The following GRIK4 variants were observed in gnomAD, a reference collection of about 807,000 sequenced individuals.
GRIK4 encodes the protein glutamate receptor ionotropic, kainate 4.
GRIK4 carries 40 observed loss-of-function variants against 104.9 expected under a neutral mutation model. The ratio of observed to expected loss-of-function variants is 0.38; its 90% CI spans 0.30 to 0.50. The LOEUF (loss-of-function observed/expected upper bound fraction) is 0.50, where lower values mean the gene tolerates loss of function less well. Among genes scored for constraint, GRIK4 ranks in the 20% least tolerant of loss-of-function variants. The pLI, the probability that GRIK4 is intolerant of heterozygous loss-of-function variation, is 0.93. For synonymous variants in GRIK4, 485 were observed against 524.9 expected, an observed-to-expected ratio of 0.92 and a Z score of 1.04; for missense variants, 1,047 against 1,308.1, an observed-to-expected ratio of 0.80 and a Z score of 3.08.
intron 3 of GRIK4, among the ~76,000 whole-genome samples, chr11:120,744,998 G>A (rs1285755898): frequency 6.6e-6 from 1 of 152,150 alleles, no homozygotes; most frequent in Non-Finnish European, 1.5e-5. Context: ...TTAAATTTGT[G>A]TTTCTTTTTT....
chr11:120,561,999 C>T (rs1225914803), intron 1 of GRIK4, among the ~76,000 whole-genome samples: 1 of 152,214 alleles, frequency 6.6e-6, no homozygotes, highest in Non-Finnish European at 1.5e-5. Context: ...TGTTCTTCCT[C>T]TTATCATTCA....
At position 120,792,855 on chromosome 11, in the gene GRIK4, C is replaced by T. The variant is rs527410649; in HGVS notation, c.83-9838C>T. Reference sequence around the variant, plus strand: ...TATAAGTAAAGCACACCCATGGAGGCGGCTATGAAATAGATCAATCAGGAA... The same window carrying T: ...TATAAGTAAAGCACACCCATGGAGGTGGCTATGAAATAGATCAATCAGGAA... On this transcript the variant is annotated intron_variant, in intron 3 of 20. Transcript: ENST00000527524. 5.9e-5 allele frequency among the ~76,000 whole-genome samples: 9 copies of T among 152,152 alleles called. No individual in the cohort carries two copies. In the East Asian group the frequency reaches 7.7e-4, roughly 13 times the overall value.
At chr11:120,577,106 T>A (rs1183902645) in intron 1 of GRIK4, among the ~76,000 whole-genome samples, 3 of 152,234 alleles carry the variant, frequency 2.0e-5, no homozygotes, top group Admixed American at 2.0e-4. Context: ...AAACTGTTTA[T>A]CCAGGTGGTT....
chr11:120,628,804 T>A (rs984431312), intron 1 of GRIK4, among the ~76,000 whole-genome samples: 2 of 152,224 alleles, frequency 1.3e-5, no homozygotes, highest in African/African-American at 4.8e-5. Context: ...TTCTCTGTTT[T>A]TTCTTATACC....
At chr11:120,736,781 T>TCC (rs112147161) in intron 3 of GRIK4, among the ~76,000 whole-genome samples, 4 of 150,474 alleles carry the variant, frequency 2.7e-5, no homozygotes, top group East Asian at 1.9e-4. Flanking sequence ...TCTCTCTCTC[T>TCC]CCCCTCACCC....
At chr11:120,742,763 G>A (rs1951359341) in intron 3 of GRIK4, among the ~76,000 whole-genome samples, 1 of 151,902 alleles carries the variant, frequency 6.6e-6, no homozygotes, top group African/African-American at 2.4e-5. Context: ...CCCATTACTG[G>A]GTATATACCC....
chr11:120,789,201 A>C (rs867227090), intron 3 of GRIK4, among the ~76,000 whole-genome samples: 8 of 152,304 alleles, frequency 5.3e-5, no homozygotes, highest in Non-Finnish European at 7.3e-5. Flanking sequence ...GAGCCAGACC[A>C]GTAACTTTTT....
rs74381893 is a variant in GRIK4, at chr11:120,650,751, G to A, written c.-158-2934G>A. On this transcript the variant is annotated intron_variant, in intron 1 of 20. Coordinates refer to ENST00000527524, the MANE Select transcript of GRIK4 (RefSeq NM_014619.5). Reference sequence around the variant, plus strand: ...CACTCAGTAGTATTCACTGAATAAAGTATAAATGTATAGTGGCATTCGGTA... The same window carrying A: ...CACTCAGTAGTATTCACTGAATAAAATATAAATGTATAGTGGCATTCGGTA... Among the ~76,000 whole-genome samples, 150 of 152,332 alleles carry A rather than the reference G, an allele frequency of 9.8e-4. 1 individual carries two copies. The South Asian group carries it at 0.013, about 13-fold the overall frequency.
chr11:120,969,356 A>C (rs1338804643), intron 19 of GRIK4, among the ~76,000 whole-genome samples: 1 of 152,148 alleles, frequency 6.6e-6, no homozygotes, highest in Non-Finnish European at 1.5e-5. Flanking sequence ...CAGGACCTGA[A>C]TAGGTCGACA....
At chr11:120,577,534 C>T (rs902088941) in intron 1 of GRIK4, among the ~76,000 whole-genome samples, 2 of 151,934 alleles carry the variant, frequency 1.3e-5, no homozygotes, top group African/African-American at 2.4e-5. Context: ...CCTTCAGGGG[C>T]CAAAGGGGCT....
At chr11:120,518,648 G>C (rs1947759202) in intron 1 of GRIK4, among the ~76,000 whole-genome samples, 1 of 152,118 alleles carries the variant, frequency 6.6e-6, no homozygotes, top group South Asian at 2.1e-4. Flanking sequence ...TTTTGAGATG[G>C]AGTCTGGCTC....
rs141814816 is a variant in GRIK4, at chr11:120,704,472, G to A, written c.82+44072G>A. On this transcript the variant is annotated intron_variant, in intron 3 of 20. Transcript: ENST00000527524. ...AGTGCCCAAGCTTAGAGCAGTCACA[G>A]CCTCTATCTCAGCTTCGAAGCCTGC... Among the ~76,000 whole-genome samples, 743 of 152,312 alleles carry A rather than the reference G, an allele frequency of 4.9e-3. 4 individuals carry two copies. The highest frequency in any genetic ancestry group is 0.012 in the African/African-American group (503 of 41,572).
At chr11:120,846,291 G>T (rs11218028) in intron 8 of GRIK4, among the ~76,000 whole-genome samples, 48,820 of 152,132 alleles carry the variant, frequency 0.32, 8,622 homozygotes, top group East Asian at 0.49. Flanking sequence ...ACTACACTGA[G>T]TCAGCAAACA....
At chr11:120,864,714 T>C (rs1462408830) in intron 9 of GRIK4, among the ~76,000 whole-genome samples, 2 of 152,252 alleles carry the variant, frequency 1.3e-5, no homozygotes, top group Non-Finnish European at 2.9e-5. Context: ...TTCCTTTGCA[T>C]TGATGCTCAC....
intron 6 of GRIK4, among the ~76,000 whole-genome samples, chr11:120,820,309 A>G (rs543058603): frequency 6.6e-6 from 1 of 152,234 alleles, no homozygotes; most frequent in East Asian, 1.9e-4. Flanking sequence ...ATTGTCAAGG[A>G]GATACAAAAA....
intron 4 of GRIK4, among the ~76,000 whole-genome samples, chr11:120,809,077 C>T (rs551012046): frequency 6.7e-4 from 102 of 152,308 alleles, no homozygotes; most frequent in Non-Finnish European, 8.8e-5. Context: ...GACACAGCCT[C>T]ACCCTCCCCT....
At chr11:120,965,398 A>T (rs1298205946) in intron 18 of GRIK4, among the ~76,000 whole-genome samples, 2 of 152,258 alleles carry the variant, frequency 1.3e-5, no homozygotes, top group Non-Finnish European at 2.9e-5. Context: ...TCATGTGTCC[A>T]TTCACGGCAG....
chr11:120,736,785 CT>C (rs200311489), intron 3 of GRIK4, among the ~76,000 whole-genome samples: 79 of 151,082 alleles, frequency 5.2e-4, no homozygotes, highest in East Asian at 1.2e-3. Context: ...TCTCTCTCCC[CT>C]CACCCTGCCC....
chr11:120,789,887 A>G (rs764504406), intron 3 of GRIK4, among the ~76,000 whole-genome samples: 2 of 152,180 alleles, frequency 1.3e-5, no homozygotes, highest in Admixed American at 1.3e-4. Flanking sequence ...AGATAAATGC[A>G]TGAGGCCTTC....
Sources: allele counts gnomAD v4.1 joint callset (sites outside exome capture counted in the v4.1 genomes callset), GRCh38; gene constraint gnomAD v4.1.1; transcripts MANE v1.5; gene names NCBI Gene and HGNC (gene_info 2026-07-23, HGNC 2026-07-21).